Variants in ABCD2 observed in about 807,000 individuals in gnomAD.
The protein encoded by ABCD2 is ATP binding cassette subfamily D member 2, also known as ATP-binding cassette sub-family D member 2.
ABCD2 carries 36 observed loss-of-function variants against 70.9 expected under a neutral mutation model. That is an observed-to-expected ratio of 0.51 (90% confidence interval 0.39 to 0.67). ABCD2 has a LOEUF of 0.67. Among genes scored for constraint, ABCD2 ranks in the 30% least tolerant of loss-of-function variants. The pLI is 0.00. For synonymous variants in ABCD2, 304 were observed against 306.9 expected (o/e 0.99, Z 0.10); for missense variants, 729 against 890.2 (o/e 0.82, Z 2.30).
At chr12:39,538,630 T>G in the ABCD2 span, among the ~76,000 whole-genome samples, 11 of 151,782 alleles carry the variant, frequency 7.2e-5, no homozygotes, top group African/African-American at 2.2e-4. Flanking sequence ...AAACATGAAG[T>G]TAGAGATAAA....
the ABCD2 span, among the ~76,000 whole-genome samples, chr12:39,533,175 C>A: frequency 7.9e-5 from 12 of 151,288 alleles, no homozygotes; most frequent in African/African-American, 2.7e-4. Context: ...CAAAAAAAAA[C>A]AAAAACAAAA....
intron 1 of ABCD2, 73 bp downstream of exon 1, chr12:39,618,603 CA>C (rs773647827): frequency 1.4e-4 from 199 of 1,380,030 alleles, no homozygotes; most frequent in Non-Finnish European, 1.9e-4. Flanking sequence ...GACAGGACAA[CA>C]GATGGTATCT....
chr12:39,550,799 A>G lies in ABCD2; in HGVS notation c.*3113T>C, dbSNP rs1331614663. ...CAATGATTTAATAACCTTTACCATC[A>G]TTTTATGCATATATTAGAAGTGTGT... On this transcript the variant is annotated 3_prime_UTR_variant, in exon 10 of 10. Transcript: ENST00000308666. 1 of 151,642 alleles carries G rather than the reference A, an allele frequency of 6.6e-6. No homozygotes were observed. The highest frequency in any genetic ancestry group is 1.5e-5 in the Non-Finnish European group (1 of 67,638). 9.4% of individuals were successfully genotyped at this position (151,642 alleles called of 1,614,324 possible). A position where few individuals can be genotyped will look rare whatever the true frequency, so the allele number is the denominator to read the frequency against.
intron 6 of ABCD2, among the ~76,000 whole-genome samples, chr12:39,589,679 A>G (rs896980446): frequency 6.6e-6 from 1 of 152,004 alleles, no homozygotes; most frequent in Non-Finnish European, 1.5e-5. Flanking sequence ...GAGCCACCGC[A>G]CCCAGCCCTA....
intron 6 of ABCD2, among the ~76,000 whole-genome samples, chr12:39,591,811 A>G (rs899623616): frequency 6.6e-6 from 1 of 152,192 alleles, no homozygotes; most frequent in African/African-American, 2.4e-5. Flanking sequence ...AAGAGTATTT[A>G]TCATTATATC....
intron 7 of ABCD2, 102 bp downstream of exon 7, chr12:39,586,050 G>T: frequency 9.3e-7 from 1 of 1,071,896 alleles, no homozygotes. Context: ...GCTTATTTCC[G>T]ATTATAGCAT....
At chr12:39,554,962 C>A (rs145018014) in intron 9 of ABCD2, among the ~76,000 whole-genome samples, 21 of 149,496 alleles carry the variant, frequency 1.4e-4, no homozygotes, top group African/African-American at 4.4e-4. Context: ...TTCTTGCTTC[C>A]TTTTAAGATC....
At chr12:39,608,215 G>A (rs747200056) in intron 2 of ABCD2, among the ~76,000 whole-genome samples, 3 of 151,804 alleles carry the variant, frequency 2.0e-5, no homozygotes, top group Non-Finnish European at 4.4e-5. Flanking sequence ...AGAGAGAGGA[G>A]AGGAGAGAAG....
intron 7 of ABCD2, among the ~76,000 whole-genome samples, chr12:39,584,006 T>C (rs1223436104): frequency 6.6e-6 from 1 of 152,224 alleles, no homozygotes; most frequent in East Asian, 1.9e-4. Flanking sequence ...TATGTCTTTG[T>C]GGTAGATGAT....
At chr12:39,565,024 T>G (rs1234643891) in intron 9 of ABCD2, among the ~76,000 whole-genome samples, 11 of 152,354 alleles carry the variant, frequency 7.2e-5, no homozygotes, top group Admixed American at 3.9e-4. Flanking sequence ...CTGTTTTGTT[T>G]ACTGTAGCCT....
At chr12:39,534,924 GAAAGAAAGAAAGAA>G in the ABCD2 span, among the ~76,000 whole-genome samples, 1 of 97,160 alleles carries the variant, frequency 1.0e-5, no homozygotes, top group Non-Finnish European at 1.9e-5. Context: ...AAGAAAGAAA[GAAAGAAAGAAAGAA>G]AGAAAGAAAG....
At chr12:39,597,984 T>C (rs1038237992) in intron 6 of ABCD2, among the ~76,000 whole-genome samples, 8 of 152,194 alleles carry the variant, frequency 5.3e-5, no homozygotes, top group Non-Finnish European at 1.2e-4. Context: ...TCATAATTTA[T>C]TAGGAATTCA....
At chr12:39,602,036 A>AT (rs781439641) in intron 5 of ABCD2, among the ~76,000 whole-genome samples, 24 of 151,698 alleles carry the variant, frequency 1.6e-4, no homozygotes, top group Non-Finnish European at 3.5e-4. Context: ...TAATATTAAT[A>AT]TTTTTCTCAG....
chr12:39,610,049 G>A (rs371691628), intron 2 of ABCD2, among the ~76,000 whole-genome samples: 169 of 152,266 alleles, frequency 1.1e-3, no homozygotes, highest in African/African-American at 3.8e-3. Context: ...GACAGAAAAT[G>A]CTTCATGGAG....
the ABCD2 span, among the ~76,000 whole-genome samples, chr12:39,542,180 A>G: frequency 3.9e-5 from 6 of 152,144 alleles, no homozygotes; most frequent in African/African-American, 1.4e-4. Flanking sequence ...TAAAGAATAA[A>G]TTGCCAAGCA....
At chr12:39,541,860 C>A in the ABCD2 span, among the ~76,000 whole-genome samples, 1 of 152,110 alleles carries the variant, frequency 6.6e-6, no homozygotes, top group African/African-American at 2.4e-5. Flanking sequence ...GAACTTCATG[C>A]ACATAACATT....
the ABCD2 span, among the ~76,000 whole-genome samples, chr12:39,531,730 T>C: frequency 5.3e-4 from 81 of 152,344 alleles, no homozygotes; most frequent in African/African-American, 1.5e-3. Context: ...GAATCATGCT[T>C]TTTTGTGAGG....
At chr12:39,543,027 C>T in the ABCD2 span, among the ~76,000 whole-genome samples, 2 of 152,132 alleles carry the variant, frequency 1.3e-5, no homozygotes, top group Non-Finnish European at 2.9e-5. Flanking sequence ...GTGACTTGCT[C>T]CAGCAGCACT....
intron 6 of ABCD2, 106 bp from the exon 7 acceptor site, chr12:39,586,403 A>G: frequency 9.1e-7 from 1 of 1,101,538 alleles, no homozygotes; most frequent in Non-Finnish European, 1.3e-6. Flanking sequence ...TAAACACTAC[A>G]TTTCCAGGAT....
Sources: allele counts gnomAD v4.1 joint callset (sites outside exome capture counted in the v4.1 genomes callset), GRCh38; gene constraint gnomAD v4.1.1; transcripts MANE v1.5; gene names NCBI Gene and HGNC (gene_info 2026-07-23, HGNC 2026-07-21).